Variants in ME2 observed in about 807,000 individuals in gnomAD.
ME2 encodes malic enzyme 2.
Under a neutral mutation model 73.7 loss-of-function variants are expected in ME2, and 60 were observed. The observed-to-expected ratio is 0.81, with a 90% CI of 0.66 to 1.01. The LOEUF is 1.01. Among genes scored for constraint, ME2 ranks in the 50% least tolerant of loss-of-function variants. The pLI is 0.00. For missense variants in ME2, 594 were observed against 705.5 expected (o/e 0.84, Z 1.79); for synonymous variants, 199 against 236.9 (o/e 0.84, Z 1.47).
chr18:50,908,139 A>G lies in ME2; in HGVS notation c.185A>G (p.Asp62Gly), dbSNP rs983637150. 6.2e-7 allele frequency: 1 copy of G among 1,608,338 alleles called. No individual in the cohort carries two copies. The highest frequency in any genetic ancestry group is 1.7e-5 in the Admixed American group (1 of 59,220). ...CTACCTCCCAAAATAGAGACACAAG[A>G]TATTCAAGCCTTACGATTTCATAGA... ...GLLPPKIETQ[D>G]IQALRFHRNL... The change falls in exon 3 of 16, where the codon GAT (aspartate) becomes GGT (glycine). Residue 62 changes from aspartate to glycine, a missense_variant. By Grantham distance (94) the Asp-to-Gly change is moderately conservative. Coordinates refer to ENST00000321341, the MANE Select transcript of ME2 (RefSeq NM_002396.5).
At chr18:50,929,836 A>G (rs1053256611) in intron 12 of ME2, among the ~76,000 whole-genome samples, 1 of 152,202 alleles carries the variant, frequency 6.6e-6, no homozygotes, top group African/African-American at 2.4e-5. Flanking sequence ...TATTAAATGC[A>G]TCATGGATCG....
chr18:50,925,931 T>C (rs759472927), intron 12 of ME2, 33 bp downstream of exon 12: 3 of 1,497,898 alleles, frequency 2.0e-6, no homozygotes, highest in Non-Finnish European at 1.9e-6. Flanking sequence ...ATATGTATAT[T>C]ATTTTCCCTC....
At chr18:50,896,023 A>G in intron 2 of ME2, 95 bp downstream of exon 2, 6 of 832,152 alleles carry the variant, frequency 7.2e-6, no homozygotes, top group East Asian at 5.4e-5. Flanking sequence ...TTGTAGCTTT[A>G]TGCTAAGGTT....
At chr18:50,884,259 C>G (rs1411332752) in intron 1 of ME2, among the ~76,000 whole-genome samples, 1 of 151,994 alleles carries the variant, frequency 6.6e-6, no homozygotes, top group African/African-American at 2.4e-5. Context: ...TACTCTTTTG[C>G]ATATATTCTC....
In ME2 at chr18:50,950,912, C is replaced by A. The variant is rs1459566327; in HGVS notation, c.*3728C>A. The stretch of plus-strand genomic sequence containing the variant: ...GAGCAGTTCTTTAGCGTTTATGTGT[C>A]ATATACTTCAAGTTACATGAAAAAG... On this transcript the variant is annotated 3_prime_UTR_variant, in exon 16 of 16. Coordinates refer to ENST00000321341, the MANE Select transcript of ME2 (RefSeq NM_002396.5). 1 of 152,150 alleles carries A rather than the reference C, an allele frequency of 6.6e-6. No homozygotes were observed. The highest frequency in any genetic ancestry group is 1.5e-5 in the Non-Finnish European group (1 of 68,034). The allele number at this position is 152,150 out of a possible 1,614,324, so 9.4% of individuals were successfully genotyped here.
chr18:50,919,784 T>C (rs1269581790), intron 7 of ME2, among the ~76,000 whole-genome samples: 1 of 152,054 alleles, frequency 6.6e-6, no homozygotes, highest in Non-Finnish European at 1.5e-5. Context: ...CTACATGGGA[T>C]GCAGAAGAAA....
rs548745094 is a variant in ME2 at position 50,929,701 on chromosome 18, GTCTTA to G, written c.1315-2552_1315-2548del. 4.5e-4 allele frequency among the ~76,000 whole-genome samples: 68 copies of G among 151,986 alleles called. 1 individual carries two copies. The South Asian group carries it at 0.013, about 29-fold the overall frequency. On this transcript the variant is annotated intron_variant, in intron 12 of 15. Coordinates refer to ENST00000321341, the MANE Select transcript of ME2 (RefSeq NM_002396.5). ...TAAAAATTAGTCTCTTTAGTATACT[GTCTTA>G]TCTTTTTATTACTTTTAGCTTGATT...
intron 3 of ME2, among the ~76,000 whole-genome samples, chr18:50,909,472 A>G (rs1400363121): frequency 6.6e-6 from 1 of 152,216 alleles, no homozygotes; most frequent in African/African-American, 2.4e-5. Flanking sequence ...GAAGGGAGTG[A>G]TGCCTAAGCT....
intron 1 of ME2, among the ~76,000 whole-genome samples, chr18:50,892,955 C>T (rs1476889565): frequency 6.6e-6 from 1 of 151,810 alleles, no homozygotes; most frequent in Non-Finnish European, 1.5e-5. Flanking sequence ...GAAACCCTGT[C>T]TCTACTAAAG....
Position 50,953,401 on chromosome 18 carries a change from C to CT in ME2, c.*6219dup, listed in dbSNP as rs1328585498. ...GCGTGAGCCACCGCGCCCGGCCTCA[C>CT]TTAGTCTTTTACCAGTTCATCTGAT... On this transcript the variant is annotated 3_prime_UTR_variant, in exon 16 of 16. Transcript: ENST00000321341. 1 of 152,212 alleles carries CT rather than the reference C, an allele frequency of 6.6e-6. No individual in the cohort carries two copies. The highest frequency in any genetic ancestry group is 2.4e-5 in the African/African-American group (1 of 41,438). The allele number at this position is 152,212 out of a possible 1,614,324, so 9.4% of individuals were successfully genotyped here. A position where few individuals can be genotyped will look rare whatever the true frequency, so the allele number is the denominator to read the frequency against.
chr18:50,911,691 G>A (rs187780904), intron 3 of ME2, among the ~76,000 whole-genome samples: 9 of 152,262 alleles, frequency 5.9e-5, no homozygotes, highest in South Asian at 2.1e-4. Context: ...TGCATCAAAC[G>A]CAGCAAGTCC....
intron 1 of ME2, among the ~76,000 whole-genome samples, chr18:50,891,011 T>A (rs1357699552): frequency 6.6e-6 from 1 of 152,204 alleles, no homozygotes; most frequent in East Asian, 1.9e-4. Context: ...TGGTCACCTG[T>A]GTAGACTGCA....
intron 3 of ME2, among the ~76,000 whole-genome samples, chr18:50,911,570 A>G (rs1917156646): frequency 6.6e-6 from 1 of 152,182 alleles, no homozygotes; most frequent in South Asian, 2.1e-4. Flanking sequence ...GTATGTATAC[A>G]TGATAGGGGA....
At chr18:50,929,210 G>T (rs564343049) in intron 12 of ME2, among the ~76,000 whole-genome samples, 5 of 149,528 alleles carry the variant, frequency 3.3e-5, no homozygotes, top group African/African-American at 1.2e-4. Context: ...CAGGCACAGT[G>T]GTTCATGCCT....
chr18:50,891,337 C>T (rs923298554), intron 1 of ME2, among the ~76,000 whole-genome samples: 5 of 152,056 alleles, frequency 3.3e-5, no homozygotes, highest in African/African-American at 1.2e-4. Context: ...GGTGGAGTGG[C>T]CTTCTTTATA....
At chr18:50,907,200 A>G (rs1917038214) in intron 2 of ME2, among the ~76,000 whole-genome samples, 1 of 152,118 alleles carries the variant, frequency 6.6e-6, no homozygotes, top group South Asian at 2.1e-4. Context: ...AAATAATGAC[A>G]TTTTCCTGGA....
At chr18:50,902,778 A>G (rs2665562) in intron 2 of ME2, among the ~76,000 whole-genome samples, 10,529 of 152,210 alleles carry the variant, frequency 0.069, 563 homozygotes, top group African/African-American at 0.15. Context: ...TTTATATGCA[A>G]TTTTACCACT....
rs147441049 is a variant in ME2, at chr18:50,932,659, C to A, written c.1417+299C>A. 385 of 202,712 alleles carry A rather than the reference C, an allele frequency of 1.9e-3. 2 individuals carry two copies. The highest frequency in any genetic ancestry group is 8.7e-3 in the African/African-American group (371 of 42,634). The allele number at this position is 202,712 out of a possible 1,614,324, so 12.6% of individuals were successfully genotyped here. Reference sequence around the variant, plus strand: ...ACCCTTTCTATCTCCCCTTGGTGTACCTCCTTAATCATACTTCTCAGAACC... The same window carrying A: ...ACCCTTTCTATCTCCCCTTGGTGTAACTCCTTAATCATACTTCTCAGAACC... On this transcript the variant is annotated intron_variant, in intron 13 of 15. Transcript: ENST00000321341.
chr18:50,884,335 C>T (rs1029515978), intron 1 of ME2, among the ~76,000 whole-genome samples: 3 of 151,938 alleles, frequency 2.0e-5, no homozygotes, highest in Admixed American at 6.6e-5. Flanking sequence ...ATATACAAGC[C>T]AAATTCATTA....
Sources: gnomAD v4.1 joint callset for allele counts (sites outside exome capture counted in the v4.1 genomes callset) on GRCh38, gnomAD v4.1.1 for gene constraint, MANE v1.5 for transcripts, NCBI Gene and HGNC (gene_info 2026-07-23, HGNC 2026-07-21) for gene names.